The following GLIS3 variants were observed in gnomAD, a reference collection of about 807,000 sequenced individuals.
The protein encoded by GLIS3 is zinc finger protein GLIS3.
In GLIS3, 53 loss-of-function variants were observed where a neutral mutation model predicts 78.6. The observed-to-expected ratio is 0.67, with a 90% CI of 0.54 to 0.85. The LOEUF is 0.85. Ranked by LOEUF, GLIS3 falls within the 40% of genes least tolerant of loss-of-function variation. The pLI, the probability that GLIS3 is intolerant of heterozygous loss-of-function variation, is 0.00. For synonymous variants in GLIS3, 684 were observed against 509.9 expected (o/e 1.34, Z -4.60); for missense variants, 1,703 against 1,231.1 (o/e 1.38, Z -5.74).
intron 4 of GLIS3, among the ~76,000 whole-genome samples, chr9:4,099,206 A>T (rs1830181163): frequency 1.3e-5 from 2 of 152,138 alleles, no homozygotes; most frequent in Non-Finnish European, 2.9e-5. Context: ...AAATAACAGA[A>T]ATGCATCGTC....
At chr9:4,402,747 T>C in the GLIS3 span, among the ~76,000 whole-genome samples, 1 of 152,086 alleles carries the variant, frequency 6.6e-6, no homozygotes, top group Admixed American at 6.5e-5. Flanking sequence ...CTTATTGAGC[T>C]TGAAGACAGG....
chr9:4,023,802 G>A (rs572385594), intron 4 of GLIS3, among the ~76,000 whole-genome samples: 3 of 152,230 alleles, frequency 2.0e-5, no homozygotes, highest in African/African-American at 7.2e-5. Context: ...TGTGACTGAG[G>A]GTGCTGGTTC....
At chr9:4,059,704 G>C (rs1347781889) in intron 4 of GLIS3, among the ~76,000 whole-genome samples, 1 of 151,984 alleles carries the variant, frequency 6.6e-6, no homozygotes, top group Non-Finnish European at 1.5e-5. Flanking sequence ...TTCTCACTCT[G>C]ACAATGATAG....
chr9:4,430,083 A>G, the GLIS3 span, among the ~76,000 whole-genome samples: 1 of 152,122 alleles, frequency 6.6e-6, no homozygotes, highest in Non-Finnish European at 1.5e-5. Context: ...AGGAGACAAC[A>G]AGGAGCCCGG....
At chr9:4,318,983 A>T (rs1375670974) in intron 2 of GLIS3, among the ~76,000 whole-genome samples, 1 of 152,210 alleles carries the variant, frequency 6.6e-6, no homozygotes, top group Non-Finnish European at 1.5e-5. Context: ...CACAACCTGA[A>T]TCTAATCATA....
intron 2 of GLIS3, among the ~76,000 whole-genome samples, chr9:4,225,427 G>A (rs767449767): frequency 2.0e-5 from 3 of 152,168 alleles, no homozygotes; most frequent in Non-Finnish European, 4.4e-5. Context: ...GAAAATGCAT[G>A]AGTAATTTAT....
chr9:3,932,826 C>T (rs1447580487), intron 5 of GLIS3: 1 of 435,830 alleles, frequency 2.3e-6, no homozygotes, highest in African/African-American at 2.0e-5. Context: ...ATCTTTGGTA[C>T]TGTCAGAAAC....
At chr9:4,361,628 A>G in the GLIS3 span, among the ~76,000 whole-genome samples, 1 of 152,210 alleles carries the variant, frequency 6.6e-6, no homozygotes, top group Non-Finnish European at 1.5e-5. Flanking sequence ...TAGAAGCCCA[A>G]GCTTTTGGGT....
At chr9:4,152,959 T>C (rs1022440122) in intron 2 of GLIS3, among the ~76,000 whole-genome samples, 13 of 152,222 alleles carry the variant, frequency 8.5e-5, no homozygotes, top group African/African-American at 3.1e-4. Flanking sequence ...GCAGTGCTTC[T>C]TAGCCTCTGC....
rs115311752 is a variant in GLIS3 at position 4,234,010 on chromosome 9, T to C, written c.388+52028A>G. Among the ~76,000 whole-genome samples the C allele has an allele frequency of 3.3e-5, 5 of 152,366 alleles. No homozygotes were observed. In the East Asian group the frequency reaches 9.6e-4, roughly 29 times the overall value. On this transcript the variant is annotated intron_variant, in intron 2 of 10. Transcript: ENST00000381971. ...TTCTTGTGAAGCTCCCTCACGTCTC[T>C]CAGCCTTTGTAACACTGAAGAGAGT...
At chr9:4,007,540 G>T (rs1046624544) in intron 4 of GLIS3, among the ~76,000 whole-genome samples, 2 of 152,022 alleles carry the variant, frequency 1.3e-5, no homozygotes, top group African/African-American at 4.8e-5. Context: ...CCATCTCAGG[G>T]ATAGCTGGAA....
At chr9:4,364,991 T>C in the GLIS3 span, among the ~76,000 whole-genome samples, 349 of 152,188 alleles carry the variant, frequency 2.3e-3, no homozygotes, top group Middle Eastern at 0.017. Flanking sequence ...TGATTTTTAT[T>C]TTGGAGTGAA....
At chr9:4,389,041 G>A in the GLIS3 span, among the ~76,000 whole-genome samples, 2 of 152,192 alleles carry the variant, frequency 1.3e-5, no homozygotes, top group African/African-American at 4.8e-5. Flanking sequence ...CACTTAAGCC[G>A]ACTGAGGTGC....
upstream of GLIS3, among the ~76,000 whole-genome samples, chr9:4,302,965 G>A (rs535370392): frequency 1.3e-5 from 2 of 152,238 alleles, no homozygotes; most frequent in Admixed American, 1.3e-4. Context: ...ATCAAAAGGG[G>A]CACAGAAGGC....
chr9:4,109,473 C>T (rs114059530), intron 4 of GLIS3, among the ~76,000 whole-genome samples: 3 of 152,170 alleles, frequency 2.0e-5, no homozygotes, highest in Non-Finnish European at 4.4e-5. Flanking sequence ...TAGCTGATCA[C>T]TTGGCATAAG....
chr9:4,196,316 T>C (rs969027652), intron 2 of GLIS3, among the ~76,000 whole-genome samples: 2 of 152,132 alleles, frequency 1.3e-5, no homozygotes, highest in East Asian at 1.9e-4. Context: ...CTCTGTAAAA[T>C]GGACCAATCA....
intron 2 of GLIS3, among the ~76,000 whole-genome samples, chr9:4,144,230 G>A (rs748111623): frequency 1.0e-4 from 15 of 150,174 alleles, no homozygotes; most frequent in Admixed American, 9.8e-4. Flanking sequence ...AATAGAGTCC[G>A]AAAGAGATCT....
the GLIS3 span, among the ~76,000 whole-genome samples, chr9:4,412,348 C>T: frequency 1.4e-4 from 22 of 152,256 alleles, no homozygotes; most frequent in South Asian, 1.2e-3. Context: ...CTTAGACTGG[C>T]GCCTAAGTTT....
At chr9:4,412,058 C>T in the GLIS3 span, among the ~76,000 whole-genome samples, 89,860 of 151,878 alleles carry the variant, frequency 0.59, 27,365 homozygotes, top group African/African-American at 0.71. Flanking sequence ...CAAAATTATC[C>T]AAGTCTCTAA....
Sources: allele counts gnomAD v4.1 joint callset (sites outside exome capture counted in the v4.1 genomes callset), GRCh38; gene constraint gnomAD v4.1.1; transcripts MANE v1.5; gene names NCBI Gene and HGNC (gene_info 2026-07-23, HGNC 2026-07-21).